Variants in GUCY2D observed in about 807,000 individuals in gnomAD.
GUCY2D encodes the protein retinal guanylyl cyclase 1.
In GUCY2D, 70 loss-of-function variants were observed where a neutral mutation model predicts 101.3. The observed-to-expected ratio is 0.69, with a 90% CI of 0.57 to 0.84. The LOEUF (loss-of-function observed/expected upper bound fraction) is 0.84. Among genes scored for constraint, GUCY2D ranks in the 40% least tolerant of loss-of-function variants. The probability of loss-of-function intolerance (pLI) is 0.00; values close to 1 mark genes in which losing one functional copy is unlikely to be tolerated. For synonymous variants in GUCY2D, 688 were observed against 670.7 expected, an observed-to-expected ratio of 1.03 and a Z score of -0.40; for missense variants, 1,460 against 1,542.5, an observed-to-expected ratio of 0.95 and a Z score of 0.90.
chr17:8,007,866 A>T, intron 6 of GUCY2D, 65 bp from the exon 7 acceptor site: 1 of 1,001,424 alleles, frequency 1.0e-6, no homozygotes, highest in Non-Finnish European at 1.6e-6. Context: ...ACTCAGCCTG[A>T]CCTCAACCCA....
chr17:8,008,827 C>T (rs546376402), intron 7 of GUCY2D, among the ~76,000 whole-genome samples: 1 of 152,356 alleles, frequency 6.6e-6, no homozygotes, highest in East Asian at 1.9e-4. Context: ...ACATTTATTT[C>T]CAAATGCTCC....
intron 10 of GUCY2D, 89 bp downstream of exon 10, chr17:8,012,695 C>T: frequency 2.0e-6 from 2 of 1,014,792 alleles, no homozygotes; most frequent in Non-Finnish European, 3.1e-6. Context: ...TCTGCCCTCG[C>T]ACTCTCTTCA....
Position 8,014,374 on chromosome 17 carries a change from C to G in GUCY2D, c.2413-227C>G. The G allele has an allele frequency of 1.6e-6, 1 of 622,548 alleles. No individual in the cohort carries two copies. Among genetic ancestry groups the G allele is most frequent in the Non-Finnish European group, 2.9e-6 (1 of 346,588 alleles). 38.6% of individuals were successfully genotyped at this position (622,548 alleles called of 1,614,324 possible). On this transcript the variant is annotated intron_variant, in intron 12 of 19. Coordinates refer to ENST00000254854, the MANE Select transcript of GUCY2D (RefSeq NM_000180.4). This position sits in a 1 kb window ranked among gnomAD's most constrained non-coding sequence, Gnocchi z 4.0. ...GCTCCAGTGCCCTGTCAATTACTAG[C>G]TGAGATCAACTGACCTCTGGGAACC...
At chr17:8,004,281 G>A in intron 3 of GUCY2D, 125 bp downstream of exon 3, 3 of 908,364 alleles carry the variant, frequency 3.3e-6, no homozygotes, top group Non-Finnish European at 3.2e-6. Flanking sequence ...GAGTTTCCTG[G>A]GTAATGTAGA....
chr17:8,010,923 C>T (rs1053228072), intron 8 of GUCY2D, among the ~76,000 whole-genome samples: 17 of 151,984 alleles, frequency 1.1e-4, no homozygotes, highest in Admixed American at 2.0e-4. Flanking sequence ...TTCTAGCATG[C>T]CCCGATTGTG....
chr17:8,011,751 C>A lies in GUCY2D; in HGVS notation c.1750-393C>A, dbSNP rs1975854258. Among the ~76,000 whole-genome samples, 1 of 152,114 alleles carries A rather than the reference C, an allele frequency of 6.6e-6. No individual in the cohort carries two copies. Among genetic ancestry groups the A allele is most frequent in the Non-Finnish European group, 1.5e-5 (1 of 68,022 alleles). Reference sequence around the variant, plus strand: ...GGCTGAGGTAGGAGGATCACTTGAACCAAGGAATGAAAGGTAGCAGTGATT... The same window carrying A: ...GGCTGAGGTAGGAGGATCACTTGAAACAAGGAATGAAAGGTAGCAGTGATT... On this transcript the variant is annotated intron_variant, in intron 8 of 19. Coordinates refer to ENST00000254854, the MANE Select transcript of GUCY2D (RefSeq NM_000180.4). The surrounding 1 kb of genome is among the most constrained non-coding windows in gnomAD (Gnocchi z 4.3).
At chr17:8,007,193 G>A (rs1326891648) in intron 5 of GUCY2D, 49 bp downstream of exon 5, 1 of 1,392,136 alleles carries the variant, frequency 7.2e-7, no homozygotes. Context: ...GCCAGAAATG[G>A]AAGTCTGCAG....
At chr17:8,012,014 C>G in intron 8 of GUCY2D, 130 bp from the exon 9 acceptor site, 1 of 720,304 alleles carries the variant, frequency 1.4e-6, no homozygotes, top group South Asian at 1.6e-5. Flanking sequence ...CATACCTTAT[C>G]AACCATTTCA....
intron 7 of GUCY2D, among the ~76,000 whole-genome samples, chr17:8,008,268 C>A (rs1478492783): frequency 6.6e-6 from 1 of 152,162 alleles, no homozygotes; most frequent in African/African-American, 2.4e-5. Flanking sequence ...TGGGTAAGGG[C>A]TCCTCAAAAG....
intron 4 of GUCY2D, 58 bp downstream of exon 4, chr17:8,006,772 G>T: frequency 7.1e-7 from 1 of 1,408,772 alleles, no homozygotes; most frequent in Non-Finnish European, 9.8e-7. Context: ...TCCACAAAGT[G>T]ATGAAAGAGA....
chr17:8,004,153 G>A lies in GUCY2D; in HGVS notation c.1023G>A (p.Gln341=). ...RRELPSDLNL[Q]QVSPLFGTIY... is the part of the protein sequence containing the mutation. ...AGCTGCCCTCTGACCTCAATCTGCAGCAGGTAGACGGTCCCGGGAGGAGGG... is the reference window on the plus strand; with the variant it reads ...AGCTGCCCTCTGACCTCAATCTGCAACAGGTAGACGGTCCCGGGAGGAGGG... Residue 341 remains glutamine (Q), a synonymous_variant, in exon 3 of 20, where the codon CAG becomes CAA. Transcript: ENST00000254854. The A allele has an allele frequency of 6.3e-7, 1 of 1,589,088 alleles. No homozygotes were observed. The highest frequency in any genetic ancestry group is 8.5e-7 in the Non-Finnish European group (1 of 1,172,312).
rs1975902392 is a variant in GUCY2D, at chr17:8,013,704, A to G, written c.2264-176A>G. 1.6e-6 allele frequency: 1 copy of G among 635,994 alleles called. No individual in the cohort carries two copies. Among genetic ancestry groups the G allele is most frequent in the Admixed American group, 2.7e-5 (1 of 37,696 alleles). The allele number at this position is 635,994 out of a possible 1,614,324, so 39.4% of individuals were successfully genotyped here. ...AGTTCGAGGTCCTCTTGTTCCTCCT[A>G]GCAACCCCCTTCCACACTATACTCT... On this transcript the variant is annotated intron_variant, in intron 11 of 19. Coordinates refer to ENST00000254854, the MANE Select transcript of GUCY2D (RefSeq NM_000180.4). The surrounding 1 kb of genome is among the most constrained non-coding windows in gnomAD (Gnocchi z 5.0).
chr17:8,017,702 CT>C (rs199835050), intron 19 of GUCY2D, among the ~76,000 whole-genome samples: 1 of 151,440 alleles, frequency 6.6e-6, no homozygotes, highest in African/African-American at 2.4e-5. Flanking sequence ...AGAATTTTTT[CT>C]TTTTTTTTGA....
chr17:8,015,592 G>C lies in GUCY2D; in HGVS notation c.2944+90G>C, dbSNP rs1975952371. 6.2e-6 allele frequency: 8 copies of C among 1,293,872 alleles called. No individual in the cohort carries two copies. In the South Asian group the frequency reaches 1.0e-4, roughly 16 times the overall value. 80.1% of individuals were successfully genotyped at this position (1,293,872 alleles called of 1,614,324 possible). On this transcript the variant is annotated intron_variant, in intron 15 of 19. Transcript: ENST00000254854. ...TGTAGAGGAGGCAACTCATGGAGCG[G>C]GGAGTGGGGCTTACCTTGAAGAGGA...
At position 8,003,362 on chromosome 17, in the gene GUCY2D, C is replaced by T; in HGVS notation, c.315C>T (p.Cys105=). 1 of 1,466,694 alleles carries T rather than the reference C, an allele frequency of 6.8e-7. No individual in the cohort carries two copies. The highest frequency in any genetic ancestry group is 9.0e-7 in the Non-Finnish European group (1 of 1,116,068). 90.9% of individuals were successfully genotyped at this position (1,466,694 alleles called of 1,614,324 possible). Residue 105 remains cysteine (C), a synonymous_variant, in exon 2 of 20, where the codon TGC becomes TGT. Transcript: ENST00000254854. Reference sequence around the variant, plus strand: ...AGGTAGCGCTGCTGCCCGAGCCTTGCCGGACGCCGGGCTCGCTGGGGGCCG... The same window carrying T: ...AGGTAGCGCTGCTGCCCGAGCCTTGTCGGACGCCGGGCTCGCTGGGGGCCG... ...RFEVALLPEP[C]RTPGSLGAVS... is the part of the protein sequence containing the mutation.
At position 8,004,169 on chromosome 17, in the gene GUCY2D, G is replaced by A. The variant is rs769017393; in HGVS notation, c.1026+13G>A. ...CAATCTGCAGCAGGTAGACGGTCCC[G>A]GGAGGAGGGAAGAAGGCAAGGGAGA... is the stretch of plus-strand genomic sequence containing the variant. On this transcript the variant is annotated intron_variant, in intron 3 of 19. Coordinates refer to ENST00000254854, the MANE Select transcript of GUCY2D (RefSeq NM_000180.4). The A allele has an allele frequency of 6.3e-6, 10 of 1,578,860 alleles. No individual in the cohort carries two copies. The highest frequency in any genetic ancestry group is 4.0e-5 in the African/African-American group (3 of 74,566).
At chr17:8,019,533 T>C (rs1242106067) in intron 19 of GUCY2D, among the ~76,000 whole-genome samples, 4 of 151,940 alleles carry the variant, frequency 2.6e-5, no homozygotes, top group African/African-American at 7.3e-5. Context: ...CCCTGACCCC[T>C]CCCCAGCTAG....
chr17:8,002,972 GT>G lies in GUCY2D; in HGVS notation c.-9-65del. 1 of 1,259,092 alleles carries G rather than the reference GT, an allele frequency of 7.9e-7. No individual in the cohort carries two copies. Among genetic ancestry groups the G allele is most frequent in the African/African-American group, 1.5e-5 (1 of 64,662 alleles). The allele number at this position is 1,259,092 out of a possible 1,614,324, so 78.0% of individuals were successfully genotyped here. On this transcript the variant is annotated intron_variant, in intron 1 of 19. Coordinates refer to ENST00000254854, the MANE Select transcript of GUCY2D (RefSeq NM_000180.4). The surrounding 1 kb of genome is among the most constrained non-coding windows in gnomAD (Gnocchi z 4.9). ...TTACTCGGGCTTGGAGAAACTCGGGGTTACGGGGAGAACCCTAGGGGAGGCC... is the reference window on the plus strand; with the variant it reads ...TTACTCGGGCTTGGAGAAACTCGGGGTACGGGGAGAACCCTAGGGGAGGCC...
At chr17:8,007,613 C>A in intron 6 of GUCY2D, 85 bp downstream of exon 6, 1 of 835,068 alleles carries the variant, frequency 1.2e-6, no homozygotes, top group East Asian at 2.5e-5. Flanking sequence ...CCCCAGCTCC[C>A]TACTTGGGAA....
Sources: allele counts gnomAD v4.1 joint callset (sites outside exome capture counted in the v4.1 genomes callset), GRCh38; gene constraint gnomAD v4.1.1; non-coding constraint Gnocchi (gnomAD v3.1); transcripts MANE v1.5; gene names NCBI Gene and HGNC (gene_info 2026-07-23, HGNC 2026-07-21).